The following PRRX1 variants were observed in gnomAD, a reference collection of about 807,000 sequenced individuals.
The protein encoded by PRRX1 is paired mesoderm homeobox protein 1.
A neutral mutation model predicts 24.0 loss-of-function variants in PRRX1; 8 were observed. The observed-to-expected ratio is 0.33, with a 90% CI of 0.20 to 0.60. PRRX1 has a LOEUF of 0.60. Among genes scored for constraint, PRRX1 ranks in the 20% least tolerant of loss-of-function variants. The pLI is 0.82. For synonymous variants in PRRX1, 160 were observed against 131.7 expected, an observed-to-expected ratio of 1.22 and a Z score of -1.47; for missense variants, 281 against 322.4, an observed-to-expected ratio of 0.87 and a Z score of 0.98.
chr1:170,691,487 T>C (rs941644371), intron 1 of PRRX1, among the ~76,000 whole-genome samples: 1 of 147,104 alleles, frequency 6.8e-6, no homozygotes, highest in Non-Finnish European at 1.5e-5. Context: ...TTTCCTTTCC[T>C]TTCCTTTCCT....
At chr1:170,681,854 A>G (rs1482083507) in intron 1 of PRRX1, among the ~76,000 whole-genome samples, 1 of 152,222 alleles carries the variant, frequency 6.6e-6, no homozygotes, top group East Asian at 1.9e-4. Context: ...ATTGTAAAAC[A>G]CTGACAAAAA....
intron 1 of PRRX1, among the ~76,000 whole-genome samples, chr1:170,686,998 T>C (rs1343183964): frequency 6.6e-6 from 1 of 152,070 alleles, no homozygotes; most frequent in Non-Finnish European, 1.5e-5. Flanking sequence ...CAAGTTTTCT[T>C]ACTAATTAAG....
intron 1 of PRRX1, among the ~76,000 whole-genome samples, chr1:170,675,654 C>T (rs1011409736): frequency 1.3e-5 from 2 of 152,086 alleles, no homozygotes; most frequent in African/African-American, 4.8e-5. Flanking sequence ...CAGACATGAG[C>T]ATCTACAGCA....
chr1:170,694,985 C>T (rs777407717), intron 1 of PRRX1, among the ~76,000 whole-genome samples: 1 of 152,090 alleles, frequency 6.6e-6, no homozygotes, highest in East Asian at 1.9e-4. Context: ...TCTAACAATC[C>T]GATGCATTGG....
At chr1:170,670,314 T>C (rs1333552938) in intron 1 of PRRX1, among the ~76,000 whole-genome samples, 1 of 152,212 alleles carries the variant, frequency 6.6e-6, no homozygotes, top group Non-Finnish European at 1.5e-5. Context: ...TGGATTCCTT[T>C]AAAATCAAAC....
chr1:170,677,200 G>A (rs760354456), intron 1 of PRRX1, among the ~76,000 whole-genome samples: 1 of 152,142 alleles, frequency 6.6e-6, no homozygotes, highest in African/African-American at 2.4e-5. Flanking sequence ...TTAAATTATG[G>A]TTCCACCATT....
chr1:170,697,721 T>C (rs1005097771), intron 1 of PRRX1, among the ~76,000 whole-genome samples: 1 of 145,322 alleles, frequency 6.9e-6, no homozygotes, highest in Non-Finnish European at 1.5e-5. Context: ...TATATAGATA[T>C]ATAAATATAT....
At position 170,738,897 on chromosome 1, in the gene PRRX1, G is replaced by A. The variant is rs543050655; in HGVS notation, c.*2711G>A. ...GAATATCATAGAGTAACAAGTGCTG[G>A]TCAGCCAAAGAAACATTCACTGCTG... is the stretch of plus-strand genomic sequence containing the variant. On this transcript the variant is annotated 3_prime_UTR_variant, in exon 4 of 4. Coordinates refer to ENST00000239461, the MANE Select transcript of PRRX1 (RefSeq NM_022716.4). 4.4e-6 allele frequency: 1 copy of A among 229,444 alleles called. No individual in the cohort carries two copies. Among genetic ancestry groups the A allele is most frequent in the East Asian group, 6.2e-5 (1 of 16,050 alleles). 14.2% of individuals were successfully genotyped at this position (229,444 alleles called of 1,614,324 possible). A position where few individuals can be genotyped will look rare whatever the true frequency, so the allele number is the denominator to read the frequency against.
chr1:170,683,403 A>T (rs746175780), intron 1 of PRRX1, among the ~76,000 whole-genome samples: 1 of 152,220 alleles, frequency 6.6e-6, no homozygotes, highest in East Asian at 1.9e-4. Context: ...GACAATGTCA[A>T]TGAGGCTGTG....
chr1:170,707,796 G>C (rs562989277), intron 1 of PRRX1, among the ~76,000 whole-genome samples: 1 of 152,100 alleles, frequency 6.6e-6, no homozygotes, highest in South Asian at 2.1e-4. Context: ...GTTTGTCCTT[G>C]TTCTTGGTTC....
intron 1 of PRRX1, among the ~76,000 whole-genome samples, chr1:170,695,813 T>C (rs1263800960): frequency 7.9e-6 from 1 of 126,760 alleles, no homozygotes; most frequent in African/African-American, 3.2e-5. Context: ...TTCTTTTCTC[T>C]TTTCTCTTCT....
intron 1 of PRRX1, among the ~76,000 whole-genome samples, chr1:170,709,297 T>A (rs1028332261): frequency 6.6e-6 from 1 of 152,030 alleles, no homozygotes; most frequent in Non-Finnish European, 1.5e-5. Context: ...AGTTAGTAGG[T>A]ATGGGTAAGG....
intron 1 of PRRX1, among the ~76,000 whole-genome samples, chr1:170,699,116 C>T (rs2101903227): frequency 6.6e-6 from 1 of 152,288 alleles, no homozygotes; most frequent in South Asian, 2.1e-4. Flanking sequence ...AATAATTCCT[C>T]TCTGCCAAAT....
At chr1:170,696,685 A>G (rs1654182487) in intron 1 of PRRX1, among the ~76,000 whole-genome samples, 1 of 152,194 alleles carries the variant, frequency 6.6e-6, no homozygotes, top group African/African-American at 2.4e-5. Context: ...GTCTTTGTCA[A>G]ATAAAATGAA....
Position 170,736,911 on chromosome 1 carries a change from A to G in PRRX1, c.*725A>G, listed in dbSNP as rs562757825. 43 of 199,056 alleles carry G rather than the reference A, an allele frequency of 2.2e-4. No homozygotes were observed. The South Asian group carries it at 7.8e-3, about 36-fold the overall frequency. 12.3% of individuals were successfully genotyped at this position (199,056 alleles called of 1,614,324 possible). ...GCTTGAAGCTACAGATTATATCACT[A>G]TCACCACCACCCCTCACCCTATGCA... On this transcript the variant is annotated 3_prime_UTR_variant, in exon 4 of 4. Coordinates refer to ENST00000239461, the MANE Select transcript of PRRX1 (RefSeq NM_022716.4).
chr1:170,726,662 G>A, intron 3 of PRRX1: 1 of 447,610 alleles, frequency 2.2e-6, no homozygotes, highest in East Asian at 3.7e-5. Flanking sequence ...TTTCAAAGAT[G>A]AGGAAGAATC....
intron 1 of PRRX1, among the ~76,000 whole-genome samples, chr1:170,700,830 C>T (rs1654329692): frequency 6.6e-6 from 1 of 152,204 alleles, no homozygotes; most frequent in Non-Finnish European, 1.5e-5. Context: ...CCTCTACCAT[C>T]TGGCCCTACT....
intron 1 of PRRX1, among the ~76,000 whole-genome samples, chr1:170,664,733 G>A (rs1652856057): frequency 6.6e-6 from 1 of 152,256 alleles, no homozygotes; most frequent in African/African-American, 2.4e-5. Context: ...CTCTGTCCGC[G>A]GCGGACTCTC....
chr1:170,705,118 CT>C (rs61366812), intron 1 of PRRX1, among the ~76,000 whole-genome samples: 1,971 of 151,554 alleles, frequency 0.013, 52 homozygotes, highest in African/African-American at 0.045. Context: ...GTACCCCATT[CT>C]TTTTTTTTGT....
Sources: allele counts gnomAD v4.1 joint callset (sites outside exome capture counted in the v4.1 genomes callset), GRCh38; gene constraint gnomAD v4.1.1; transcripts MANE v1.5; gene names NCBI Gene and HGNC (gene_info 2026-07-23, HGNC 2026-07-21).